ITGBL1: variants seen among roughly 807,000 people sequenced by gnomAD.
ITGBL1 encodes the protein integrin subunit beta like 1.
ITGBL1 carries 51 observed loss-of-function variants against 68.5 expected under a neutral mutation model. That is an observed-to-expected ratio of 0.74 (90% CI 0.59 to 0.94). ITGBL1 has a LOEUF of 0.94. ITGBL1 is among the 40% of genes least tolerant of loss of function. ITGBL1 has a pLI of 0.00. For missense variants in ITGBL1, 649 were observed against 647.4 expected (o/e 1.00, Z -0.03); for synonymous variants, 209 against 227.3 (o/e 0.92, Z 0.72).
intron 2 of ITGBL1, among the ~76,000 whole-genome samples, chr13:101,490,748 C>T (rs1369796405): frequency 6.6e-6 from 1 of 152,214 alleles, no homozygotes; most frequent in African/African-American, 2.4e-5. Flanking sequence ...GGCAAAGCCA[C>T]ATGCAGTAGT....
intron 7 of ITGBL1, among the ~76,000 whole-genome samples, chr13:101,650,075 GT>G (rs5806239): frequency 0.21 from 32,414 of 151,996 alleles, 3,620 homozygotes; most frequent in African/African-American, 0.27. Flanking sequence ...GATAATTAGC[GT>G]TTTTTTCTGA....
chr13:101,598,103 C>T, intron 6 of ITGBL1, 50 bp from the exon 7 acceptor site: 3 of 1,454,766 alleles, frequency 2.1e-6, no homozygotes, highest in Admixed American at 2.1e-5. Context: ...CTAATTCCAA[C>T]TTCATTATCT....
At chr13:101,517,107 T>C (rs2049207634) in intron 2 of ITGBL1, among the ~76,000 whole-genome samples, 1 of 152,160 alleles carries the variant, frequency 6.6e-6, no homozygotes, top group African/African-American at 2.4e-5. Context: ...AAGAAAAGAA[T>C]GACTTGAGGA....
intron 7 of ITGBL1, among the ~76,000 whole-genome samples, chr13:101,667,456 A>T (rs2033249245): frequency 6.6e-6 from 1 of 151,836 alleles, no homozygotes; most frequent in South Asian, 2.1e-4. Flanking sequence ...CAAGGAATTA[A>T]TCCTTAATCT....
chr13:101,646,210 T>C (rs963563862), intron 7 of ITGBL1, among the ~76,000 whole-genome samples: 1 of 152,190 alleles, frequency 6.6e-6, no homozygotes, highest in Non-Finnish European at 1.5e-5. Flanking sequence ...TCTCACATAT[T>C]CCACCACTCC....
chr13:101,598,594 C>A (rs950813841), intron 7 of ITGBL1, among the ~76,000 whole-genome samples: 9 of 152,094 alleles, frequency 5.9e-5, no homozygotes, highest in Non-Finnish European at 8.8e-5. Flanking sequence ...GCTGCCCCCA[C>A]CACACAACAG....
intron 2 of ITGBL1, among the ~76,000 whole-genome samples, chr13:101,553,983 A>T (rs2049963866): frequency 6.6e-6 from 1 of 152,112 alleles, no homozygotes; most frequent in Admixed American, 6.5e-5. Context: ...CATGTTGGTC[A>T]GGCTGGTCTC....
chr13:101,655,291 A>C (rs143055398), intron 7 of ITGBL1, among the ~76,000 whole-genome samples: 11 of 152,190 alleles, frequency 7.2e-5, no homozygotes, highest in African/African-American at 2.7e-4. Flanking sequence ...TTATCTCTCT[A>C]TTTTCTTATG....
intron 7 of ITGBL1, among the ~76,000 whole-genome samples, chr13:101,666,325 T>C (rs2033216342): frequency 6.6e-6 from 1 of 152,134 alleles, no homozygotes; most frequent in Non-Finnish European, 1.5e-5. Context: ...CTGCCTCCTT[T>C]TAGTGAGTTC....
intron 7 of ITGBL1, among the ~76,000 whole-genome samples, chr13:101,646,100 A>C (rs1007158434): frequency 1.3e-5 from 2 of 152,158 alleles, no homozygotes; most frequent in Non-Finnish European, 2.9e-5. Flanking sequence ...CCTTTGATTG[A>C]TGTGTTTCCA....
intron 8 of ITGBL1, among the ~76,000 whole-genome samples, chr13:101,706,330 GTTTTA>G (rs1304903955): frequency 1.3e-5 from 2 of 152,120 alleles, no homozygotes; most frequent in African/African-American, 4.8e-5. Context: ...TTACCCTTTT[GTTTTA>G]TTAGTAAGCA....
chr13:101,469,655 C>G (rs2048430718), intron 2 of ITGBL1, among the ~76,000 whole-genome samples: 1 of 152,004 alleles, frequency 6.6e-6, no homozygotes, highest in African/African-American at 2.4e-5. Flanking sequence ...TGTACTCCAG[C>G]CTGGGTGACA....
chr13:101,719,505 A>G (rs2034847666), downstream of ITGBL1: 2 of 152,132 alleles, frequency 1.3e-5, no homozygotes, highest in Non-Finnish European at 2.9e-5. Context: ...CATAGGGTGG[A>G]GAATTGTCAT....
chr13:101,501,370 T>G, intron 2 of ITGBL1, among the ~76,000 whole-genome samples: 1 of 152,180 alleles, frequency 6.6e-6, no homozygotes, highest in Non-Finnish European at 1.5e-5. Context: ...GTGGCTAGAC[T>G]TATTCTGCCA....
chr13:101,595,511 TCAAA>T (rs974938853), intron 6 of ITGBL1, among the ~76,000 whole-genome samples: 1 of 148,362 alleles, frequency 6.7e-6, no homozygotes, highest in Admixed American at 6.7e-5. Flanking sequence ...GCAAAAAAAA[TCAAA>T]CAACCAGATT....
intron 3 of ITGBL1, among the ~76,000 whole-genome samples, chr13:101,573,955 A>G (rs986504059): frequency 4.6e-5 from 7 of 152,110 alleles, no homozygotes; most frequent in African/African-American, 1.7e-4. Flanking sequence ...TCATCGCATC[A>G]TGTGTCTAGC....
chr13:101,562,503 C>A (rs2050116511), intron 2 of ITGBL1, among the ~76,000 whole-genome samples: 1 of 151,728 alleles, frequency 6.6e-6, no homozygotes, highest in Non-Finnish European at 1.5e-5. Flanking sequence ...ATGCAAACAC[C>A]CGTCAAATGA....
chr13:101,492,647 T>A (rs1026254565), intron 2 of ITGBL1, among the ~76,000 whole-genome samples: 3 of 152,140 alleles, frequency 2.0e-5, no homozygotes, highest in African/African-American at 7.2e-5. Flanking sequence ...TTTTCCCAAA[T>A]TCCTCAAAGC....
intron 7 of ITGBL1, among the ~76,000 whole-genome samples, chr13:101,668,742 G>A (rs955392485): frequency 1.7e-4 from 26 of 152,062 alleles, no homozygotes; most frequent in African/African-American, 6.3e-4. Flanking sequence ...TTAAAATTAT[G>A]TTATTTTGAA....
Sources: gnomAD v4.1 joint callset for allele counts (sites outside exome capture counted in the v4.1 genomes callset) on GRCh38, gnomAD v4.1.1 for gene constraint, MANE v1.5 for transcripts, NCBI Gene and HGNC (gene_info 2026-07-23, HGNC 2026-07-21) for gene names.